ANKRD34B: variants seen among roughly 807,000 people sequenced by gnomAD.
The protein encoded by ANKRD34B is ankyrin repeat domain 34B.
In ANKRD34B, 2 loss-of-function variants were observed where a neutral mutation model predicts 4.4. That is an observed-to-expected ratio of 0.46 (90% CI 0.19 to 1.44). The LOEUF (loss-of-function observed/expected upper bound fraction) is 1.44, where lower values mean the gene tolerates loss of function less well. Among genes scored for constraint, ANKRD34B ranks in the 40% most tolerant of loss-of-function variants. ANKRD34B has a pLI of 0.26. For missense variants in ANKRD34B, 558 were observed against 604.7 expected (o/e 0.92, Z 0.81); for synonymous variants, 226 against 227.1 (o/e 0.99, Z 0.05).
intron 1 of ANKRD34B, among the ~76,000 whole-genome samples, chr5:80,569,867 C>G (rs1030091315): frequency 6.6e-6 from 1 of 152,206 alleles, no homozygotes; most frequent in Non-Finnish European, 1.5e-5. Context: ...CGAGGGTGAG[C>G]TCGCGTGGAG....
intron 3 of ANKRD34B, among the ~76,000 whole-genome samples, chr5:80,565,061 A>G (rs1429181523): frequency 1.3e-5 from 2 of 152,192 alleles, no homozygotes; most frequent in Non-Finnish European, 2.9e-5. Context: ...TAGACATTAA[A>G]CTTGTCAGAG....
intron 3 of ANKRD34B, among the ~76,000 whole-genome samples, chr5:80,565,353 T>C (rs1206930752): frequency 2.6e-5 from 4 of 152,252 alleles, no homozygotes; most frequent in Non-Finnish European, 4.4e-5. Context: ...TGAGTGCTGA[T>C]AGCATACTAA....
chr5:80,567,477 C>T (rs936383047), intron 2 of ANKRD34B, among the ~76,000 whole-genome samples: 9 of 151,306 alleles, frequency 5.9e-5, no homozygotes, highest in East Asian at 3.9e-4. Flanking sequence ...AAAAATTAGC[C>T]GGGCATTGTG....
Position 80,568,552 on chromosome 5 carries a change from A to G in ANKRD34B, c.-191+408T>C, listed in dbSNP as rs546824731. Among the ~76,000 whole-genome samples, 84 of 152,306 alleles carry G rather than the reference A, an allele frequency of 5.5e-4. No individual in the cohort carries two copies. In the Middle Eastern group the frequency reaches 0.01, roughly 19 times the overall value. On this transcript the variant is annotated intron_variant, in intron 2 of 4. Transcript: ENST00000338682. ...GAGCCCTAGTGGGCAGCCGAAGGCC[A>G]GGAGGGAGGCCAGCTACACTGGAAT...
rs767073431 is a variant in ANKRD34B, at chr5:80,558,907, A to G, written c.1113T>C (p.Ser371=). 1.2e-6 allele frequency: 2 copies of G among 1,614,044 alleles called. No homozygotes were observed. Among genetic ancestry groups the G allele is most frequent in the Non-Finnish European group, 1.7e-6 (2 of 1,180,044 alleles). The change falls in exon 5 of 5, where the codon TCT becomes TCC. Residue 371 remains serine (S), a synonymous_variant. Transcript: ENST00000338682. ...KRNLGANHYS[S]DSQLSAGLTP... ...TAAGGCCAGCTGAGAGCTGGGAATC[A>G]GAGCTGTAGTGATTTGCCCCCAAGT...
intron 4 of ANKRD34B, among the ~76,000 whole-genome samples, chr5:80,561,975 CAG>C (rs1249198540): frequency 1.3e-5 from 2 of 150,526 alleles, no homozygotes; most frequent in South Asian, 2.1e-4. Flanking sequence ...AAATTAAAGA[CAG>C]AGGGAAGAGG....
rs530079554 is a variant in ANKRD34B at position 80,569,375 on chromosome 5, C to G, written c.-338-268G>C. Among the ~76,000 whole-genome samples the G allele has an allele frequency of 5.9e-5, 9 of 152,318 alleles. No individual in the cohort carries two copies. In the East Asian group the frequency reaches 1.4e-3, roughly 23 times the overall value. ...CCCCCATCCCGGAGCAGGCGCACCT[C>G]TGCACCCGGCTCTCTGCTAAGGGGG... On this transcript the variant is annotated intron_variant, in intron 1 of 4. Coordinates refer to ENST00000338682, the MANE Select transcript of ANKRD34B (RefSeq NM_001004441.3).
Position 80,558,767 on chromosome 5 carries a change from G to T in ANKRD34B, c.1253C>A (p.Pro418His), listed in dbSNP as rs149831177. The T allele has an allele frequency of 2.2e-5, 36 of 1,614,048 alleles. No individual in the cohort carries two copies. In the African/African-American group the frequency reaches 4.3e-4, roughly 19 times the overall value. Residue 418 changes from proline (P) to histidine (H), a missense_variant, in exon 5 of 5, where the codon CCC becomes CAC. Physicochemically the swap from Pro to His is moderately conservative, Grantham distance 77 (BLOSUM62 -2). Coordinates refer to ENST00000338682, the MANE Select transcript of ANKRD34B (RefSeq NM_001004441.3). ...AACTGCATGATTTCTCCTGCTCAGG[G>T]GACCTGGGGGGATATTCTCCAACAA... ...KELLENIPPG[P>H]LSRRNHAVLE...
In ANKRD34B at chr5:80,558,865, T is replaced by C; in HGVS notation, c.1155A>G (p.Glu385=). The change falls in exon 5 of 5, where the codon GAA becomes GAG. Residue 385 remains glutamate, a synonymous_variant. Transcript: ENST00000338682. ...TCTTTCCTATAAGTGCTTTGCCGTC[T>C]TCTGAAGTTGGAGGGGTAAGGCCAG... ...LSAGLTPPTS[E]DGKALIGKKK... 6.2e-7 allele frequency: 1 copy of C among 1,614,038 alleles called. No homozygotes were observed. Among genetic ancestry groups the C allele is most frequent in the South Asian group, 1.1e-5 (1 of 91,066 alleles).
chr5:80,562,127 G>T (rs973639409), intron 4 of ANKRD34B, among the ~76,000 whole-genome samples: 39 of 149,352 alleles, frequency 2.6e-4, no homozygotes, highest in African/African-American at 9.6e-4. Flanking sequence ...AAATAAGGAG[G>T]AGTAGGTGAA....
Position 80,558,815 on chromosome 5 carries a change from G to C in ANKRD34B, c.1205C>G (p.Ser402Cys). The change falls in exon 5 of 5, where the codon TCC (serine) becomes TGC (cysteine). Residue 402 changes from serine (S) to cysteine (C), a missense_variant. Coordinates refer to ENST00000338682, the MANE Select transcript of ANKRD34B (RefSeq NM_001004441.3). ...CAATTCTTTGGACTCTGACAATTGGGAAGGAGATGGTGAGAGGATCTTTTT... is the reference window on the plus strand; with the variant it reads ...CAATTCTTTGGACTCTGACAATTGGCAAGGAGATGGTGAGAGGATCTTTTT... ...GKKKILSPSP[S>C]QLSESKELLE... 6.2e-7 allele frequency: 1 copy of C among 1,614,108 alleles called. No individual in the cohort carries two copies. The highest frequency in any genetic ancestry group is 8.5e-7 in the Non-Finnish European group (1 of 1,180,008).
In ANKRD34B at chr5:80,565,089, C is replaced by T. The variant is rs539599124; in HGVS notation, c.-104-1274G>A. On this transcript the variant is annotated intron_variant, in intron 3 of 4. Coordinates refer to ENST00000338682, the MANE Select transcript of ANKRD34B (RefSeq NM_001004441.3). ...TGTCAGAGAAAAAAGGTGTTAGATACTTTATTCTCCAAATGTACAATACAT... is the reference window on the plus strand; with the variant it reads ...TGTCAGAGAAAAAAGGTGTTAGATATTTTATTCTCCAAATGTACAATACAT... Among the ~76,000 whole-genome samples, 11 of 152,348 alleles carry T rather than the reference C, an allele frequency of 7.2e-5. No homozygotes were observed. In the East Asian group the frequency reaches 2.1e-3, roughly 29 times the overall value.
rs1448747264 is a variant in ANKRD34B at position 80,559,762 on chromosome 5, C to T, written c.258G>A (p.Thr86=). The change falls in exon 5 of 5, where the codon ACG becomes ACA. Residue 86 remains threonine (T), a synonymous_variant. Transcript: ENST00000338682. The part of the protein sequence containing the change: ...DPNIQDKSGK[T]ALMHACLEKA... ...TTTCTAAGCAAGCATGCATCAGAGC[C>T]GTTTTCCCAGATTTGTCCTGTATGT... 8 of 1,614,062 alleles carry T rather than the reference C, an allele frequency of 5.0e-6. No homozygotes were observed. Among genetic ancestry groups the T allele is most frequent in the African/African-American group, 2.7e-5 (2 of 74,926 alleles).
In ANKRD34B at chr5:80,558,304, T is replaced by A. The variant is rs964263418; in HGVS notation, c.*171A>T. The A allele has an allele frequency of 7.5e-6, 4 of 533,080 alleles. No individual in the cohort carries two copies. Among genetic ancestry groups the A allele is most frequent in the African/African-American group, 5.7e-5 (3 of 52,260 alleles). 33.0% of individuals were successfully genotyped at this position (533,080 alleles called of 1,614,324 possible). On this transcript the variant is annotated 3_prime_UTR_variant, in exon 5 of 5. Coordinates refer to ENST00000338682, the MANE Select transcript of ANKRD34B (RefSeq NM_001004441.3). ...AATTCCCTTAACAGAAACTATGTAT[T>A]ATTTTTTATGCTCATGACGCCTAGT...
chr5:80,559,722 C>T lies in ANKRD34B; in HGVS notation c.298G>A (p.Val100Ile), dbSNP rs753578611. ...HACLEKAGPE[V>I]VSLLLKSGAD... ...CCACTCTTGAGGAGCAAGGAAACAA[C>T]TTCAGGGCCAGCTTTTTCTAAGCAA... Residue 100 changes from valine (V) to isoleucine (I), a missense_variant, in exon 5 of 5, where the codon GTT becomes ATT. Coordinates refer to ENST00000338682, the MANE Select transcript of ANKRD34B (RefSeq NM_001004441.3). The T allele has an allele frequency of 6.2e-6, 10 of 1,614,158 alleles. No individual in the cohort carries two copies. Among genetic ancestry groups the T allele is most frequent in the Non-Finnish European group, 8.5e-6 (10 of 1,180,016 alleles).
At chr5:80,561,187 C>A (rs1014101260) in intron 4 of ANKRD34B, among the ~76,000 whole-genome samples, 7 of 151,960 alleles carry the variant, frequency 4.6e-5, no homozygotes, top group Non-Finnish European at 8.8e-5. Context: ...ATTTAGATTC[C>A]TTCAACAGAT....
intron 3 of ANKRD34B, among the ~76,000 whole-genome samples, chr5:80,565,258 T>A (rs755635033): frequency 5.3e-5 from 8 of 152,358 alleles, no homozygotes; most frequent in Non-Finnish European, 1.0e-4. Context: ...TATTTCCTTT[T>A]CATAGAATTG....
chr5:80,565,218 C>T (rs79286843), intron 3 of ANKRD34B, among the ~76,000 whole-genome samples: 3,686 of 152,288 alleles, frequency 0.024, 154 homozygotes, highest in African/African-American at 0.084. Flanking sequence ...TCCATTTGTA[C>T]ATCAAAAACA....
intron 3 of ANKRD34B, 111 bp downstream of exon 3, chr5:80,566,577 AT>A (rs1405519303): frequency 6.6e-6 from 1 of 152,662 alleles, no homozygotes; most frequent in Admixed American, 6.5e-5. Context: ...GACACATTGC[AT>A]CTTGGAAAGA....
Sources: allele counts gnomAD v4.1 joint callset (sites outside exome capture counted in the v4.1 genomes callset), GRCh38; gene constraint gnomAD v4.1.1; transcripts MANE v1.5; gene names NCBI Gene and HGNC (gene_info 2026-07-23, HGNC 2026-07-21).